The following NMNAT1 variants were observed in gnomAD, a reference collection of about 807,000 sequenced individuals.
The protein encoded by NMNAT1 is nicotinamide nucleotide adenylyltransferase 1.
A neutral mutation model predicts 16.7 loss-of-function variants in NMNAT1; 11 were observed. The ratio of observed to expected loss-of-function variants is 0.66; its 90% CI spans 0.41 to 1.09. The LOEUF is 1.09. Among genes scored for constraint, NMNAT1 ranks in the 50% least tolerant of loss-of-function variants. The pLI is 0.00. For missense variants in NMNAT1, 280 were observed against 332.3 expected, an observed-to-expected ratio of 0.84 and a Z score of 1.22; for synonymous variants, 110 against 119.8, an observed-to-expected ratio of 0.92 and a Z score of 0.53.
chr1:9,995,033 C>T, the NMNAT1 span, among the ~76,000 whole-genome samples: 1 of 151,920 alleles, frequency 6.6e-6, no homozygotes, highest in African/African-American at 2.4e-5. Context: ...CAGGTGTGAG[C>T]TACCATGCAC....
intron 2 of NMNAT1, chr1:9,972,549 A>C (rs1479409685): frequency 5.6e-6 from 1 of 179,178 alleles, no homozygotes; most frequent in East Asian, 1.4e-4. Context: ...TTCAGAATAC[A>C]CATTTCATTG....
intron 1 of NMNAT1, among the ~76,000 whole-genome samples, chr1:9,943,935 G>A (rs949662447): frequency 6.6e-5 from 10 of 152,124 alleles, no homozygotes; most frequent in Non-Finnish European, 1.3e-4. Context: ...TGAGAAGGAG[G>A]TAATGAGCTG....
At chr1:9,951,480 G>T (rs1481537422) in intron 1 of NMNAT1, among the ~76,000 whole-genome samples, 1 of 151,612 alleles carries the variant, frequency 6.6e-6, no homozygotes, top group African/African-American at 2.4e-5. Context: ...TGTTGTTGTT[G>T]TTTGTTTGTT....
At chr1:9,996,788 C>G in the NMNAT1 span, among the ~76,000 whole-genome samples, 1 of 152,102 alleles carries the variant, frequency 6.6e-6, no homozygotes, top group African/African-American at 2.4e-5. Context: ...GCGGCGTTAC[C>G]GAGGTGCGAA....
At chr1:9,967,890 C>T (rs1641588059) in intron 1 of NMNAT1, among the ~76,000 whole-genome samples, 1 of 151,884 alleles carries the variant, frequency 6.6e-6, no homozygotes, top group Non-Finnish European at 1.5e-5. Flanking sequence ...GTCGAAGGAT[C>T]ACTTGAGCCT....
rs551727721 is a variant in NMNAT1, at chr1:9,971,950, G to T, written c.-56-68G>T. 3 of 665,296 alleles carry T rather than the reference G, an allele frequency of 4.5e-6. No individual in the cohort carries two copies. The South Asian group carries it at 5.1e-5, about 11-fold the overall frequency. The allele number at this position is 665,296 out of a possible 1,614,324, so 41.2% of individuals were successfully genotyped here. A position where few individuals can be genotyped will look rare whatever the true frequency, so the allele number is the denominator to read the frequency against. On this transcript the variant is annotated intron_variant, in intron 1 of 4. Transcript: ENST00000377205. Reference sequence around the variant, plus strand: ...GCATCACTACACTCTAGCCAGGGTGGCAGAGCAAGACCTTATCTTAGGGAA... The same window carrying T: ...GCATCACTACACTCTAGCCAGGGTGTCAGAGCAAGACCTTATCTTAGGGAA...
At chr1:9,969,479 A>G (rs1557468205) in intron 1 of NMNAT1, among the ~76,000 whole-genome samples, 1 of 152,154 alleles carries the variant, frequency 6.6e-6, no homozygotes, top group Non-Finnish European at 1.5e-5. Context: ...TCTAAATAAT[A>G]GACATTTTCA....
chr1:9,975,542 C>A, intron 2 of NMNAT1, 50 bp from the exon 3 acceptor site: 1 of 1,326,184 alleles, frequency 7.5e-7, no homozygotes, highest in Non-Finnish European at 1.1e-6. Context: ...ATTTCCTGTG[C>A]ATAAAGTCTA....
At chr1:9,970,621 G>A (rs1158305459) in intron 1 of NMNAT1, among the ~76,000 whole-genome samples, 8 of 151,696 alleles carry the variant, frequency 5.3e-5, no homozygotes, top group African/African-American at 1.7e-4. Context: ...CCTGGGAGGC[G>A]GAGCTTGCAG....
chr1:9,968,070 T>TTTTTTTTTG (rs2101683646), intron 1 of NMNAT1, among the ~76,000 whole-genome samples: 1 of 108,410 alleles, frequency 9.2e-6, no homozygotes, highest in African/African-American at 2.9e-5. Flanking sequence ...CAAATGTAGT[T>TTTTTTTTTG]TTTTTTTTTG....
chr1:9,955,297 G>C (rs1332905171), intron 1 of NMNAT1, among the ~76,000 whole-genome samples: 1 of 150,576 alleles, frequency 6.6e-6, no homozygotes, highest in Non-Finnish European at 1.5e-5. Context: ...CCAGCTACTC[G>C]GGAGGCTGAG....
At chr1:9,975,970 CCT>C (rs1474648535) in intron 3 of NMNAT1, among the ~76,000 whole-genome samples, 195 bp downstream of exon 3, 1 of 152,092 alleles carries the variant, frequency 6.6e-6, no homozygotes, top group Non-Finnish European at 1.5e-5. Flanking sequence ...TTCCTTAGCC[CCT>C]CTGTGTCTTT....
chr1:9,954,319 C>T (rs903767903), intron 1 of NMNAT1, among the ~76,000 whole-genome samples: 8 of 152,016 alleles, frequency 5.3e-5, no homozygotes, highest in Non-Finnish European at 1.2e-4. Flanking sequence ...TAGTGACCCT[C>T]TTACTTCAAC....
intron 2 of NMNAT1, among the ~76,000 whole-genome samples, chr1:9,973,707 C>CAAAA (rs1053350657): frequency 4.6e-5 from 1 of 21,622 alleles, no homozygotes; most frequent in Non-Finnish European, 9.0e-5. Flanking sequence ...GACTCCATCT[C>CAAAA]AAAAAAAAAA....
At chr1:9,962,842 C>T (rs529553158) in intron 1 of NMNAT1, among the ~76,000 whole-genome samples, 1 of 151,918 alleles carries the variant, frequency 6.6e-6, no homozygotes, top group Non-Finnish European at 1.5e-5. Context: ...CCAACACACC[C>T]GGCTAATTTT....
downstream of NMNAT1, among the ~76,000 whole-genome samples, chr1:9,985,661 A>ATGTG (rs1232345802): frequency 6.6e-6 from 1 of 151,238 alleles, no homozygotes; most frequent in Non-Finnish European, 1.5e-5. Context: ...GTGTGTGTGT[A>ATGTG]TGTGTGTGTG....
rs146594129 is a variant in NMNAT1, at chr1:9,948,025, A to G, written c.-57+4510A>G. On this transcript the variant is annotated intron_variant, in intron 1 of 4. Transcript: ENST00000377205. Reference sequence around the variant, plus strand: ...TAATCATGGTAATATAATTACTTCAAAGGAATTTCATTCTTATTGTGTGAT... The same window carrying G: ...TAATCATGGTAATATAATTACTTCAGAGGAATTTCATTCTTATTGTGTGAT... Among the ~76,000 whole-genome samples, 144 of 152,322 alleles carry G rather than the reference A, an allele frequency of 9.5e-4. 1 individual carries two copies. Among genetic ancestry groups the G allele is most frequent in the African/African-American group, 3.4e-3 (140 of 41,576 alleles).
chr1:9,943,316 G>A (rs1417969155), upstream of NMNAT1: 1 of 153,826 alleles, frequency 6.5e-6, no homozygotes. Context: ...CCGCCCGCCA[G>A]TCCCAGAGTT....
chr1:9,989,815 C>T (rs1441784891), downstream of NMNAT1, among the ~76,000 whole-genome samples: 1 of 152,212 alleles, frequency 6.6e-6, no homozygotes, highest in Non-Finnish European at 1.5e-5. Flanking sequence ...GCTGTTAACA[C>T]TTAAGCTGTC....
Sources: allele counts gnomAD v4.1 joint callset (sites outside exome capture counted in the v4.1 genomes callset), GRCh38; gene constraint gnomAD v4.1.1; transcripts MANE v1.5; gene names NCBI Gene and HGNC (gene_info 2026-07-23, HGNC 2026-07-21).